RORA: variants seen among roughly 807,000 people sequenced by gnomAD.
RORA encodes the protein RAR related orphan receptor A, also known as nuclear receptor ROR-alpha.
A neutral mutation model predicts 69.5 loss-of-function variants in RORA; 7 were observed. That is an observed-to-expected ratio of 0.10 (90% CI 0.06 to 0.19). The LOEUF (loss-of-function observed/expected upper bound fraction) is 0.19. Ranked by LOEUF, RORA falls within the 10% of genes least tolerant of loss-of-function variation. The pLI is 1.00. For synonymous variants in RORA, 261 were observed against 240.8 expected (o/e 1.08, Z -0.78); for missense variants, 457 against 663.0 (o/e 0.69, Z 3.41).
At chr15:60,744,085 CTTT>C (rs149806580) in intron 1 of RORA, among the ~76,000 whole-genome samples, 1 of 140,994 alleles carries the variant, frequency 7.1e-6, no homozygotes, top group Non-Finnish European at 1.6e-5. Flanking sequence ...GGGAAACTTC[CTTT>C]TTTTTTTTTT....
At chr15:60,542,404 T>C (rs905151096) in intron 2 of RORA, among the ~76,000 whole-genome samples, 2 of 148,770 alleles carry the variant, frequency 1.3e-5, no homozygotes, top group East Asian at 2.0e-4. Flanking sequence ...TACACACATA[T>C]ACCATGCTCA....
intron 1 of RORA, among the ~76,000 whole-genome samples, chr15:60,729,031 GT>G (rs1275386751): frequency 6.6e-6 from 1 of 152,182 alleles, no homozygotes; most frequent in African/African-American, 2.4e-5. Context: ...CTTTGTTGGG[GT>G]TTTATTCTAG....
chr15:61,037,897 C>T (rs911145656), intron 1 of RORA, among the ~76,000 whole-genome samples: 5 of 152,076 alleles, frequency 3.3e-5, no homozygotes, highest in Non-Finnish European at 5.9e-5. Flanking sequence ...ACATAGCATG[C>T]CATTGTGAGA....
chr15:60,616,545 G>T (rs901583187), intron 2 of RORA, among the ~76,000 whole-genome samples: 1 of 152,190 alleles, frequency 6.6e-6, no homozygotes, highest in Non-Finnish European at 1.5e-5. Context: ...ACAAGAGCCG[G>T]GAAGAGCAGC....
intron 1 of RORA, among the ~76,000 whole-genome samples, chr15:60,854,377 C>T (rs1018603428): frequency 1.3e-5 from 2 of 152,092 alleles, no homozygotes; most frequent in African/African-American, 4.8e-5. Context: ...TAATATCATC[C>T]ATTATCCCTG....
At chr15:60,583,856 CGTGA>C (rs1054064304) in intron 2 of RORA, among the ~76,000 whole-genome samples, 13 of 152,206 alleles carry the variant, frequency 8.5e-5, no homozygotes, top group East Asian at 3.9e-4. Context: ...TCCCTTTCCT[CGTGA>C]GTAAGAGGAA....
At chr15:61,040,113 G>GATATATATAC (rs1896672699) in intron 1 of RORA, among the ~76,000 whole-genome samples, 1 of 46,302 alleles carries the variant, frequency 2.2e-5, no homozygotes, top group Non-Finnish European at 4.1e-5. Context: ...CACAAGCTTT[G>GATATATATAC]ATATATATAT....
chr15:61,011,084 T>A (rs966086398), intron 1 of RORA, among the ~76,000 whole-genome samples: 4 of 152,206 alleles, frequency 2.6e-5, no homozygotes, highest in African/African-American at 9.6e-5. Context: ...AAGGCAGAGG[T>A]AGGAACTGAA....
chr15:60,954,453 AAG>A (rs1555397317), intron 1 of RORA, among the ~76,000 whole-genome samples: 1 of 151,860 alleles, frequency 6.6e-6, no homozygotes, highest in Admixed American at 6.6e-5. Context: ...AAAAAAAAAA[AAG>A]AACTTCCCAT....
At chr15:60,502,121 C>T (rs1040892400) in intron 8 of RORA, among the ~76,000 whole-genome samples, 12 of 152,180 alleles carry the variant, frequency 7.9e-5, no homozygotes, top group African/African-American at 2.9e-4. Context: ...GCTGGGACTA[C>T]AGGCGTGTGC....
intron 2 of RORA, among the ~76,000 whole-genome samples, chr15:60,647,725 T>C (rs2070074133): frequency 6.6e-6 from 1 of 152,236 alleles, no homozygotes; most frequent in Non-Finnish European, 1.5e-5. Flanking sequence ...ACTCAGGAGA[T>C]ACTGAAAAAC....
rs139823834 is a variant in RORA, at chr15:60,589,751, G to A, written c.197-57900C>T. Among the ~76,000 whole-genome samples the A allele has an allele frequency of 4.4e-3, 675 of 152,228 alleles. 3 individuals are homozygous for A. The highest frequency in any genetic ancestry group is 6.0e-3 in the Non-Finnish European group (408 of 68,016). On this transcript the variant is annotated intron_variant, in intron 2 of 10. Coordinates refer to ENST00000335670, the MANE Select transcript of RORA (RefSeq NM_134261.3). Reference sequence around the variant, plus strand: ...GATTTTCTTCTTTGGTGAGTTCAAAGGGCCTGATTTACTGATGTTTAAAAA... The same window carrying A: ...GATTTTCTTCTTTGGTGAGTTCAAAAGGCCTGATTTACTGATGTTTAAAAA...
At chr15:61,123,778 C>T (rs932218047) in intron 1 of RORA, among the ~76,000 whole-genome samples, 7 of 112,266 alleles carry the variant, frequency 6.2e-5, no homozygotes, top group Admixed American at 1.7e-4. Flanking sequence ...ATTTCCCAGC[C>T]GGCCTCTGAC....
At chr15:61,179,388 G>A (rs1016108557) in intron 1 of RORA, among the ~76,000 whole-genome samples, 19 of 152,104 alleles carry the variant, frequency 1.2e-4, no homozygotes, top group East Asian at 1.9e-4. Flanking sequence ...AAAGAGATAC[G>A]CAAAAATAAA....
intron 1 of RORA, among the ~76,000 whole-genome samples, chr15:61,183,383 A>T (rs372745339): frequency 1.3e-5 from 2 of 152,144 alleles, no homozygotes; most frequent in East Asian, 1.9e-4. Flanking sequence ...AAAAATACAA[A>T]AATTAGCTGG....
intron 1 of RORA, among the ~76,000 whole-genome samples, chr15:61,087,721 G>A (rs149047642): frequency 2.2e-4 from 33 of 152,268 alleles, no homozygotes; most frequent in African/African-American, 6.7e-4. Flanking sequence ...GCTAACAGTC[G>A]AGCTTGCACA....
At chr15:61,058,557 C>T (rs2078127211) in intron 1 of RORA, among the ~76,000 whole-genome samples, 1 of 152,030 alleles carries the variant, frequency 6.6e-6, no homozygotes, top group African/African-American at 2.4e-5. Flanking sequence ...TGAAGAACGT[C>T]AGGAAAGTTA....
chr15:60,815,641 C>A (rs2072799060), intron 1 of RORA, among the ~76,000 whole-genome samples: 1 of 151,864 alleles, frequency 6.6e-6, no homozygotes, highest in Admixed American at 6.6e-5. Context: ...GATCTGACCA[C>A]CATTGCCCAC....
At chr15:60,820,949 C>T (rs1203266657) in intron 1 of RORA, among the ~76,000 whole-genome samples, 1 of 149,044 alleles carries the variant, frequency 6.7e-6, no homozygotes, top group Non-Finnish European at 1.5e-5. Flanking sequence ...GGTGGTTGAT[C>T]TCTAACCCCC....
Sources: gnomAD v4.1 joint callset for allele counts (sites outside exome capture counted in the v4.1 genomes callset) on GRCh38, gnomAD v4.1.1 for gene constraint, MANE v1.5 for transcripts, NCBI Gene and HGNC (gene_info 2026-07-23, HGNC 2026-07-21) for gene names.